Variants in IGF2BP2 observed in about 807,000 individuals in gnomAD.
IGF2BP2 encodes insulin like growth factor 2 mRNA binding protein 2, also known as insulin-like growth factor 2 mRNA-binding protein 2.
IGF2BP2 carries 17 observed loss-of-function variants against 75.8 expected under a neutral mutation model. The ratio of observed to expected loss-of-function variants is 0.22; its 90% CI spans 0.15 to 0.34. The LOEUF (loss-of-function observed/expected upper bound fraction) is 0.34, where lower values mean the gene tolerates loss of function less well. Ranked by LOEUF, IGF2BP2 falls within the 10% of genes least tolerant of loss-of-function variation. IGF2BP2 has a pLI of 1.00. For synonymous variants in IGF2BP2, 288 were observed against 295.6 expected (o/e 0.97, Z 0.26); for missense variants, 516 against 772.4 (o/e 0.67, Z 3.93).
chr3:185,793,997 C>T (rs1332909930), intron 2 of IGF2BP2, among the ~76,000 whole-genome samples: 1 of 143,798 alleles, frequency 7.0e-6, no homozygotes, highest in African/African-American at 2.6e-5. Context: ...CTTGCTCTGT[C>T]GCCCAGGCTA....
chr3:185,646,196 C>T (rs956486946), intron 15 of IGF2BP2, among the ~76,000 whole-genome samples: 3 of 152,148 alleles, frequency 2.0e-5, no homozygotes, highest in African/African-American at 4.8e-5. Flanking sequence ...AGCTGGGAGA[C>T]AGCAGACAGG....
chr3:185,824,570 AG>A (rs1478261605), intron 1 of IGF2BP2, among the ~76,000 whole-genome samples: 1 of 75,906 alleles, frequency 1.3e-5, no homozygotes, highest in African/African-American at 5.4e-5. Flanking sequence ...TGCGGCCCCG[AG>A]GGCGAGGGCA....
At chr3:185,725,733 AG>A (rs1430374404) in intron 2 of IGF2BP2, among the ~76,000 whole-genome samples, 1 of 152,204 alleles carries the variant, frequency 6.6e-6, no homozygotes, top group Non-Finnish European at 1.5e-5. Flanking sequence ...ACACTTTGGG[AG>A]GCCAAAGCAG....
At chr3:185,809,985 G>A (rs987281418) in intron 2 of IGF2BP2, among the ~76,000 whole-genome samples, 4 of 152,166 alleles carry the variant, frequency 2.6e-5, no homozygotes, top group Admixed American at 1.3e-4. Context: ...TTGCAGAAGC[G>A]TTAAGATCCA....
intron 2 of IGF2BP2, among the ~76,000 whole-genome samples, chr3:185,793,957 CTTTTT>C (rs576340143): frequency 4.0e-5 from 5 of 125,502 alleles, no homozygotes; most frequent in Non-Finnish European, 3.3e-5. Context: ...AAGCAGATTC[CTTTTT>C]TTTTTTTTTT....
chr3:185,689,608 C>T lies in IGF2BP2; in HGVS notation c.424G>A (p.Gly142Arg), dbSNP rs148304949. 6.2e-6 allele frequency: 10 copies of T among 1,613,960 alleles called. No homozygotes were observed. The highest frequency in any genetic ancestry group is 5.0e-5 in the Admixed American group (3 of 59,996). ...AAGGAGTAGTTCTCAAACTGATGCC[C>T]GCTTAGCTTCTCCATGGCTCTGAAA... ...EAKIAMEKLSGHQFENYSFKI... is the reference protein window; with the variant it reads ...EAKIAMEKLSRHQFENYSFKI... The change falls in exon 6 of 16, where the codon GGG (glycine) becomes AGG (arginine). Residue 142 changes from glycine to arginine, a missense_variant. Gly to Arg is a moderately radical substitution (Grantham distance 125, BLOSUM62 -2). Around this residue, in one of 3 missense-constraint regions of IGF2BP2, gnomAD observed 312 missense variants for 474.5 expected, o/e 0.66. Coordinates refer to ENST00000382199, the MANE Select transcript of IGF2BP2 (RefSeq NM_006548.6).
At chr3:185,742,328 T>C (rs2149574550) in intron 2 of IGF2BP2, among the ~76,000 whole-genome samples, 1 of 152,060 alleles carries the variant, frequency 6.6e-6, no homozygotes, top group Non-Finnish European at 1.5e-5. Context: ...ACCCCATCTC[T>C]ACTAAAAATA....
chr3:185,817,935 T>C (rs1351970850), intron 2 of IGF2BP2, among the ~76,000 whole-genome samples: 1 of 152,202 alleles, frequency 6.6e-6, no homozygotes, highest in Non-Finnish European at 1.5e-5. Flanking sequence ...ACTGAAAGTT[T>C]TAGAGCATGA....
intron 2 of IGF2BP2, among the ~76,000 whole-genome samples, chr3:185,703,544 T>TG (rs1055419033): frequency 2.0e-5 from 3 of 149,626 alleles, no homozygotes; most frequent in African/African-American, 7.3e-5. Flanking sequence ...CTGAGGCAGA[T>TG]GGATCACTTG....
At chr3:185,685,992 T>C (rs887921293) in intron 7 of IGF2BP2, among the ~76,000 whole-genome samples, 1 of 152,222 alleles carries the variant, frequency 6.6e-6, no homozygotes, top group Non-Finnish European at 1.5e-5. Context: ...ACTCATTCAT[T>C]TATAATACAA....
intron 1 of IGF2BP2, 42 bp downstream of exon 1, chr3:185,824,741 A>G: frequency 8.0e-7 from 1 of 1,248,622 alleles, no homozygotes; most frequent in Non-Finnish European, 1.0e-6. Context: ...TCCCGGCCTG[A>G]GCGGGGCGAG....
At chr3:185,722,408 A>G in intron 2 of IGF2BP2, 1 of 358,166 alleles carries the variant, frequency 2.8e-6, no homozygotes, top group South Asian at 2.1e-5. Flanking sequence ...TTACTACAGC[A>G]TTGCCTTCTA....
intron 2 of IGF2BP2, among the ~76,000 whole-genome samples, chr3:185,797,249 G>A (rs1439484704): frequency 6.6e-6 from 1 of 152,182 alleles, no homozygotes; most frequent in East Asian, 1.9e-4. Flanking sequence ...CTTCCAGGTA[G>A]GTGTGTTTGT....
intron 7 of IGF2BP2, among the ~76,000 whole-genome samples, chr3:185,678,652 T>C (rs1352097332): frequency 1.3e-5 from 2 of 152,342 alleles, no homozygotes; most frequent in East Asian, 1.9e-4. Flanking sequence ...TGTTGGTCTA[T>C]AGTGTTGTTC....
At chr3:185,792,425 C>T (rs1307166225) in intron 2 of IGF2BP2, among the ~76,000 whole-genome samples, 1 of 151,624 alleles carries the variant, frequency 6.6e-6, no homozygotes, top group Non-Finnish European at 1.5e-5. Context: ...GCCAACATGG[C>T]GAAACCCCGT....
chr3:185,810,964 C>T (rs1237542622), intron 2 of IGF2BP2, among the ~76,000 whole-genome samples: 1 of 152,038 alleles, frequency 6.6e-6, no homozygotes, highest in East Asian at 1.9e-4. Context: ...TGGAAACCTG[C>T]TCCTCCAATT....
At chr3:185,743,959 A>G (rs912661561) in intron 2 of IGF2BP2, among the ~76,000 whole-genome samples, 2 of 152,176 alleles carry the variant, frequency 1.3e-5, no homozygotes, top group African/African-American at 4.8e-5. Context: ...CTAAGTCTAC[A>G]CCTAAAGGGT....
chr3:185,723,886 A>T (rs979569609), intron 2 of IGF2BP2, among the ~76,000 whole-genome samples: 2 of 152,234 alleles, frequency 1.3e-5, no homozygotes, highest in African/African-American at 4.8e-5. Flanking sequence ...AGGACAAAAG[A>T]CAGTGATCCT....
chr3:185,729,091 G>A (rs542135639), intron 2 of IGF2BP2, among the ~76,000 whole-genome samples: 2 of 152,066 alleles, frequency 1.3e-5, no homozygotes, highest in Admixed American at 6.5e-5. Context: ...TGACAAAGCA[G>A]TAAAGATTAC....
Sources: gnomAD v4.1 joint callset for allele counts (sites outside exome capture counted in the v4.1 genomes callset) on GRCh38, gnomAD v4.1.1 for gene constraint, gnomAD v4.1.1 regional missense constraint, MANE v1.5 for transcripts, NCBI Gene and HGNC (gene_info 2026-07-23, HGNC 2026-07-21) for gene names.